The following SLC35F4 variants were observed in gnomAD, a reference collection of about 807,000 sequenced individuals.
The protein encoded by SLC35F4 is solute carrier family 35 member F4.
SLC35F4 carries 24 observed loss-of-function variants against 44.2 expected under a neutral mutation model. That is an observed-to-expected ratio of 0.54 (90% CI 0.39 to 0.76). The LOEUF (loss-of-function observed/expected upper bound fraction) is 0.76, where lower values mean the gene tolerates loss of function less well. SLC35F4 is among the 30% of genes least tolerant of loss of function. SLC35F4 has a pLI of 0.00. For missense variants in SLC35F4, 562 were observed against 586.1 expected (o/e 0.96, Z 0.42); for synonymous variants, 238 against 223.6 (o/e 1.06, Z -0.57).
At chr14:57,677,924 C>A (rs908118507) in intron 1 of SLC35F4, among the ~76,000 whole-genome samples, 10 of 151,986 alleles carry the variant, frequency 6.6e-5, no homozygotes, top group Admixed American at 2.0e-4. Flanking sequence ...CACTAGTAAT[C>A]AAACAGATGC....
intron 5 of SLC35F4, among the ~76,000 whole-genome samples, chr14:57,570,558 G>C (rs2068448081): frequency 1.3e-5 from 2 of 152,306 alleles, no homozygotes; most frequent in African/African-American, 4.8e-5. Flanking sequence ...AAGATGGCAA[G>C]GAGAAGCAAA....
chr14:57,824,290 A>C (rs1883486431), intron 1 of SLC35F4, among the ~76,000 whole-genome samples: 1 of 152,216 alleles, frequency 6.6e-6, no homozygotes, highest in Admixed American at 6.5e-5. Flanking sequence ...ACAAATGCTA[A>C]CTGAGCATCT....
chr14:57,954,502 A>G (rs1485238389), intron 1 of SLC35F4, among the ~76,000 whole-genome samples: 1 of 152,154 alleles, frequency 6.6e-6, no homozygotes, highest in Non-Finnish European at 1.5e-5. Context: ...TTTTGAAAAG[A>G]TTAACAAAAT....
At chr14:57,932,042 A>G (rs1376808854) in intron 1 of SLC35F4, among the ~76,000 whole-genome samples, 2 of 152,206 alleles carry the variant, frequency 1.3e-5, no homozygotes. Context: ...TCTCTGGTCC[A>G]TCTCACTGCC....
chr14:57,758,622 C>G (rs2077051534), intron 1 of SLC35F4, among the ~76,000 whole-genome samples: 2 of 151,914 alleles, frequency 1.3e-5, no homozygotes, highest in African/African-American at 4.8e-5. Context: ...TCTGCTAATT[C>G]TAATGTCTGT....
chr14:57,603,367 T>C (rs1439226290), intron 1 of SLC35F4, among the ~76,000 whole-genome samples: 3 of 152,222 alleles, frequency 2.0e-5, no homozygotes, highest in African/African-American at 7.2e-5. Context: ...ACTTCTGTCC[T>C]GTGTTTAGCT....
chr14:57,728,607 G>A (rs190976094), intron 1 of SLC35F4, among the ~76,000 whole-genome samples: 147 of 151,330 alleles, frequency 9.7e-4, no homozygotes, highest in Admixed American at 1.6e-3. Context: ...ATTCCACTAC[G>A]CCCAGTTAAT....
At chr14:57,784,084 T>C (rs1050336535) in intron 1 of SLC35F4, among the ~76,000 whole-genome samples, 5 of 152,032 alleles carry the variant, frequency 3.3e-5, no homozygotes, top group African/African-American at 1.2e-4. Context: ...GATATGGAAA[T>C]GGCAAAAAAG....
At chr14:57,808,217 A>G (rs1360182688) in intron 1 of SLC35F4, among the ~76,000 whole-genome samples, 1 of 151,866 alleles carries the variant, frequency 6.6e-6, no homozygotes, top group Non-Finnish European at 1.5e-5. Flanking sequence ...TGAGGTAGGT[A>G]TTATTATTGC....
chr14:57,825,104 G>T (rs1266183663), intron 1 of SLC35F4, among the ~76,000 whole-genome samples: 1 of 152,062 alleles, frequency 6.6e-6, no homozygotes, highest in Admixed American at 6.6e-5. Flanking sequence ...TAAGCTTGTG[G>T]AGGATTTGGA....
chr14:57,807,651 A>T (rs1043029620), intron 1 of SLC35F4, among the ~76,000 whole-genome samples: 2 of 151,910 alleles, frequency 1.3e-5, no homozygotes, highest in Admixed American at 1.3e-4. Flanking sequence ...ATCATCACAT[A>T]AGACAGTGAG....
chr14:57,966,560 C>T (rs999899736), intron 1 of SLC35F4, among the ~76,000 whole-genome samples: 17 of 152,164 alleles, frequency 1.1e-4, no homozygotes, highest in African/African-American at 3.9e-4. Flanking sequence ...TATATCACTG[C>T]TGACAAACTA....
At chr14:57,574,977 A>C (rs1157449237) in intron 4 of SLC35F4, among the ~76,000 whole-genome samples, 1 of 152,184 alleles carries the variant, frequency 6.6e-6, no homozygotes, top group African/African-American at 2.4e-5. Context: ...CCAGTGCCTA[A>C]AATATTGTGT....
chr14:57,949,547 G>A (rs1409540645), intron 1 of SLC35F4, among the ~76,000 whole-genome samples: 1 of 152,044 alleles, frequency 6.6e-6, no homozygotes, highest in Non-Finnish European at 1.5e-5. Flanking sequence ...GAGATGTGAG[G>A]TACTGTTCTA....
At chr14:57,848,703 T>A (rs1410579919) in intron 1 of SLC35F4, among the ~76,000 whole-genome samples, 1 of 152,192 alleles carries the variant, frequency 6.6e-6, no homozygotes, top group African/African-American at 2.4e-5. Flanking sequence ...AGGGTAGAAA[T>A]AAAGTTTCCC....
chr14:57,581,336 G>GGT lies in SLC35F4; in HGVS notation c.683_684dup (p.Leu229ThrfsTer7). The GGT allele has an allele frequency of 6.2e-7, 1 of 1,613,520 alleles. No homozygotes were observed. The highest frequency in any genetic ancestry group is 8.5e-7 in the Non-Finnish European group (1 of 1,179,742). On this transcript the variant is annotated frameshift_variant, in exon 4 of 8. Transcript: ENST00000556826. LOFTEE classifies it high-confidence loss of function. The stretch of plus-strand genomic sequence containing the variant: ...AGCTTCTTTAAAGCCAGTAAATAAA[G>GGT]GTAATTAGTCAAAGTCCATAGAATA...
intron 1 of SLC35F4, among the ~76,000 whole-genome samples, chr14:57,802,985 CAAAA>C (rs59647111): frequency 0.02 from 1,451 of 71,276 alleles, 4 homozygotes; most frequent in Non-Finnish European, 0.028. Flanking sequence ...GCAGAGATAC[CAAAA>C]AAAAAAAAAA....
intron 1 of SLC35F4, among the ~76,000 whole-genome samples, chr14:57,849,813 G>A (rs911472163): frequency 6.6e-6 from 1 of 152,114 alleles, no homozygotes; most frequent in African/African-American, 2.4e-5. Flanking sequence ...TACTGCTTAA[G>A]CCAATATAAG....
chr14:57,575,365 C>T (rs1039784840), intron 4 of SLC35F4, among the ~76,000 whole-genome samples: 14 of 152,066 alleles, frequency 9.2e-5, no homozygotes, highest in Admixed American at 2.6e-4. Flanking sequence ...CCTGTAATAC[C>T]GGCTACTCGG....
Sources: gnomAD v4.1 joint callset for allele counts (sites outside exome capture counted in the v4.1 genomes callset) on GRCh38, gnomAD v4.1.1 for gene constraint, MANE v1.5 for transcripts, NCBI Gene and HGNC (gene_info 2026-07-23, HGNC 2026-07-21) for gene names.